DLGAP1: variants seen among roughly 807,000 people sequenced by gnomAD.
DLGAP1 encodes the protein disks large-associated protein 1.
A neutral mutation model predicts 90.8 loss-of-function variants in DLGAP1; 11 were observed. The ratio of observed to expected loss-of-function variants is 0.12; its 90% CI spans 0.08 to 0.20. The LOEUF is 0.20. DLGAP1 is among the 10% of genes least tolerant of loss of function. The pLI, the probability that DLGAP1 is intolerant of heterozygous loss-of-function variation, is 1.00. For synonymous variants in DLGAP1, 558 were observed against 540.7 expected (o/e 1.03, Z -0.44); for missense variants, 1,050 against 1,333.8 (o/e 0.79, Z 3.31).
chr18:4,372,706 C>G (rs1314820728), intron 1 of DLGAP1, among the ~76,000 whole-genome samples: 2 of 152,058 alleles, frequency 1.3e-5, no homozygotes, highest in Admixed American at 6.6e-5. Flanking sequence ...GCGGGTGGAT[C>G]ACTTGAGGTC....
chr18:4,067,360 A>AGGAG (rs931216527), intron 2 of DLGAP1, among the ~76,000 whole-genome samples: 5 of 151,878 alleles, frequency 3.3e-5, no homozygotes, highest in African/African-American at 9.7e-5. Flanking sequence ...AAGGGAGGAA[A>AGGAG]GGAGGGAGGG....
chr18:3,712,307 C>T (rs1358981878), intron 7 of DLGAP1, among the ~76,000 whole-genome samples: 1 of 152,210 alleles, frequency 6.6e-6, no homozygotes, highest in Non-Finnish European at 1.5e-5. Context: ...GGAGCAAGAG[C>T]AGCGTTTGCC....
intron 8 of DLGAP1, among the ~76,000 whole-genome samples, chr18:3,568,683 TTTTG>T (rs1044631478): frequency 1.3e-4 from 20 of 152,038 alleles, no homozygotes; most frequent in South Asian, 1.2e-3. Flanking sequence ...ATATTTAAAT[TTTTG>T]TTTGTTTGTT....
intron 3 of DLGAP1, among the ~76,000 whole-genome samples, chr18:3,912,372 G>A (rs538957602): frequency 3.3e-5 from 5 of 152,158 alleles, no homozygotes; most frequent in East Asian, 1.9e-4. Context: ...CAATCTAGTC[G>A]GGGAGACTGA....
intron 7 of DLGAP1, among the ~76,000 whole-genome samples, chr18:3,672,232 AC>A (rs2060114026): frequency 6.6e-5 from 10 of 151,704 alleles, no homozygotes; most frequent in Non-Finnish European, 1.0e-4. Context: ...ACACACACAC[AC>A]ACACACAGAG....
chr18:4,293,706 C>A (rs895972817), intron 1 of DLGAP1: 1 of 152,112 alleles, frequency 6.6e-6, no homozygotes, highest in African/African-American at 2.4e-5. Context: ...GAATCTTTAT[C>A]GCATTTAAAA....
chr18:3,827,085 T>TGTA (rs1159493878), intron 4 of DLGAP1, among the ~76,000 whole-genome samples: 1 of 152,098 alleles, frequency 6.6e-6, no homozygotes, highest in Non-Finnish European at 1.5e-5. Context: ...CAGTTTGGGA[T>TGTA]GTAGGAAGTT....
chr18:4,263,204 T>C (rs1342129144), intron 1 of DLGAP1, among the ~76,000 whole-genome samples: 1 of 152,218 alleles, frequency 6.6e-6, no homozygotes, highest in African/African-American at 2.4e-5. Flanking sequence ...AGTGTTGGGA[T>C]TACAGGTGTG....
At chr18:4,366,241 T>C (rs2081763655) in intron 1 of DLGAP1, among the ~76,000 whole-genome samples, 1 of 152,108 alleles carries the variant, frequency 6.6e-6, no homozygotes, top group African/African-American at 2.4e-5. Flanking sequence ...TTTAAAAATG[T>C]TTTTAGGTGT....
At chr18:3,878,890 C>T (rs2071071835) in intron 4 of DLGAP1, among the ~76,000 whole-genome samples, 1 of 152,140 alleles carries the variant, frequency 6.6e-6, no homozygotes, top group Non-Finnish European at 1.5e-5. Context: ...TTTCAAAGCA[C>T]TTGGATATCT....
chr18:3,500,080 G>C (rs1347246989), intron 12 of DLGAP1, among the ~76,000 whole-genome samples: 1 of 152,144 alleles, frequency 6.6e-6, no homozygotes, highest in Non-Finnish European at 1.5e-5. Flanking sequence ...GTTCCAAGGT[G>C]ACTCTGACTA....
At chr18:4,273,874 G>A (rs1357644730) in intron 1 of DLGAP1, among the ~76,000 whole-genome samples, 1 of 149,464 alleles carries the variant, frequency 6.7e-6, no homozygotes, top group Non-Finnish European at 1.5e-5. Flanking sequence ...TTTTACTTCT[G>A]ATTTTAGTAA....
chr18:3,869,149 A>G (rs1170098122), intron 4 of DLGAP1, among the ~76,000 whole-genome samples: 1 of 144,486 alleles, frequency 6.9e-6, no homozygotes, highest in Non-Finnish European at 1.5e-5. Context: ...GCAAGTGTGT[A>G]TTGCGTTTTT....
chr18:4,415,991 A>G (rs536918391), intron 1 of DLGAP1, among the ~76,000 whole-genome samples: 1 of 152,338 alleles, frequency 6.6e-6, no homozygotes, highest in South Asian at 2.1e-4. Flanking sequence ...GTTTCACAGT[A>G]GAATATAAAA....
intron 7 of DLGAP1, among the ~76,000 whole-genome samples, chr18:3,685,192 A>G (rs759335990): frequency 3.9e-5 from 6 of 152,188 alleles, no homozygotes; most frequent in African/African-American, 7.2e-5. Context: ...TAAGCATGAT[A>G]TATCAGCAAC....
chr18:3,625,774 C>T (rs1326486843), intron 7 of DLGAP1, among the ~76,000 whole-genome samples: 1 of 152,128 alleles, frequency 6.6e-6, no homozygotes, highest in African/African-American at 2.4e-5. Context: ...CATCTTAACA[C>T]AATGCAACTA....
chr18:3,826,942 T>C (rs1338063498), intron 4 of DLGAP1, among the ~76,000 whole-genome samples: 1 of 151,976 alleles, frequency 6.6e-6, no homozygotes, highest in Non-Finnish European at 1.5e-5. Context: ...ATGATCTGGA[T>C]GTGTGGACTG....
rs187574091 is a variant in DLGAP1 at position 4,329,008 on chromosome 18, G to C, written c.-267+125998C>G. Among the ~76,000 whole-genome samples, 6 of 151,930 alleles carry C rather than the reference G, an allele frequency of 3.9e-5. No homozygotes were observed. The East Asian group carries it at 1.2e-3, about 29-fold the overall frequency. Reference sequence around the variant, plus strand: ...AGCTGGTCTTTTAATTTTGTAAGTAGTATATTGTGAAGAACAAATATTTTA... The same window carrying C: ...AGCTGGTCTTTTAATTTTGTAAGTACTATATTGTGAAGAACAAATATTTTA... On this transcript the variant is annotated intron_variant, in intron 1 of 12. Coordinates refer to ENST00000315677, the MANE Select transcript of DLGAP1 (RefSeq NM_004746.4).
chr18:3,590,915 C>T (rs1484661757), intron 7 of DLGAP1, among the ~76,000 whole-genome samples: 1 of 151,472 alleles, frequency 6.6e-6, no homozygotes, highest in Non-Finnish European at 1.5e-5. Context: ...TGTTTAGAAA[C>T]TTTTATAGCA....
Sources: allele counts gnomAD v4.1 joint callset (sites outside exome capture counted in the v4.1 genomes callset), GRCh38; gene constraint gnomAD v4.1.1; transcripts MANE v1.5; gene names NCBI Gene and HGNC (gene_info 2026-07-23, HGNC 2026-07-21).